The following RANBP17 variants were observed in gnomAD, a reference collection of about 807,000 sequenced individuals.
RANBP17 encodes the protein ran-binding protein 17.
In RANBP17, 158 loss-of-function variants were observed where a neutral mutation model predicts 141.2. The ratio of observed to expected loss-of-function variants is 1.12; its 90% CI spans 0.98 to 1.28. RANBP17 has a LOEUF of 1.28. Ranked by LOEUF, RANBP17 falls within the 50% of genes most tolerant of loss-of-function variation. RANBP17 has a pLI of 0.00. For missense variants in RANBP17, 1,438 were observed against 1,290.7 expected, an observed-to-expected ratio of 1.11 and a Z score of -1.75; for synonymous variants, 430 against 450.0, an observed-to-expected ratio of 0.96 and a Z score of 0.56.
chr5:171,265,931 G>C lies in RANBP17; in HGVS notation c.2943+84G>C. The C allele has an allele frequency of 2.4e-6, 3 of 1,261,538 alleles. No homozygotes were observed. The East Asian group carries it at 7.0e-5, about 29-fold the overall frequency. 78.1% of individuals were successfully genotyped at this position (1,261,538 alleles called of 1,614,324 possible). ...CCCCGAATTTATCTTAGAGCAGCTG[G>C]TCTTGCCAAGACTTTTTATACTGGT... On this transcript the variant is annotated intron_variant, in intron 25 of 27. Transcript: ENST00000523189.
At chr5:171,138,242 C>G (rs1757451629) in intron 14 of RANBP17, among the ~76,000 whole-genome samples, 1 of 152,116 alleles carries the variant, frequency 6.6e-6, no homozygotes. Context: ...AAGCTTATGA[C>G]TTTTCTTGAA....
At chr5:171,064,382 T>C (rs1227489278) in intron 14 of RANBP17, among the ~76,000 whole-genome samples, 4 of 152,260 alleles carry the variant, frequency 2.6e-5, no homozygotes, top group East Asian at 1.9e-4. Flanking sequence ...ACTTTTATTG[T>C]AATTTTAATT....
chr5:171,127,899 G>C (rs762764505), intron 14 of RANBP17, among the ~76,000 whole-genome samples: 2 of 152,182 alleles, frequency 1.3e-5, no homozygotes, highest in African/African-American at 2.4e-5. Flanking sequence ...GGTGGCTCAC[G>C]CCTGTAATCC....
Position 170,998,224 on chromosome 5 carries a change from A to G in RANBP17, c.1710+29847A>G, listed in dbSNP as rs1311482614. Among the ~76,000 whole-genome samples, 4 of 152,146 alleles carry G rather than the reference A, an allele frequency of 2.6e-5. No individual in the cohort carries two copies. In the East Asian group the frequency reaches 5.8e-4, roughly 22 times the overall value. On this transcript the variant is annotated intron_variant, in intron 14 of 27. Coordinates refer to ENST00000523189, the MANE Select transcript of RANBP17 (RefSeq NM_022897.5). ...TATGAGGTCTGTGAAATGCATGTAC[A>G]TTTCTCATTGGAATATTTTATTGTT...
At chr5:171,143,530 G>T (rs1757841545) in intron 14 of RANBP17, 1 of 152,092 alleles carries the variant, frequency 6.6e-6, no homozygotes, top group African/African-American at 2.4e-5. Flanking sequence ...ACCATTTCCT[G>T]ATTTTACAGA....
intron 14 of RANBP17, among the ~76,000 whole-genome samples, chr5:171,088,471 G>T (rs1785886389): frequency 6.6e-6 from 1 of 152,110 alleles, no homozygotes; most frequent in Non-Finnish European, 1.5e-5. Flanking sequence ...GAGTATCTTT[G>T]TGGCATTCTC....
intron 10 of RANBP17, among the ~76,000 whole-genome samples, chr5:170,919,177 C>T (rs1772226703): frequency 6.6e-6 from 1 of 151,720 alleles, no homozygotes; most frequent in Non-Finnish European, 1.5e-5. Context: ...ATGTTTTTCA[C>T]AGGATGTCAA....
chr5:171,174,276 A>C (rs1760291839), intron 16 of RANBP17, among the ~76,000 whole-genome samples: 1 of 152,170 alleles, frequency 6.6e-6, no homozygotes, highest in Non-Finnish European at 1.5e-5. Flanking sequence ...TTGAACAGGC[A>C]CAGAGCTGAA....
intron 14 of RANBP17, among the ~76,000 whole-genome samples, chr5:171,088,734 C>G (rs1204412605): frequency 6.6e-6 from 1 of 152,084 alleles, no homozygotes; most frequent in Non-Finnish European, 1.5e-5. Flanking sequence ...CACTGATACC[C>G]TTTCTTCCAG....
At chr5:171,026,258 C>A (rs1295637971) in intron 14 of RANBP17, among the ~76,000 whole-genome samples, 1 of 152,214 alleles carries the variant, frequency 6.6e-6, no homozygotes, top group Non-Finnish European at 1.5e-5. Context: ...TTAACCCTTA[C>A]AACACCCTTA....
intron 18 of RANBP17, among the ~76,000 whole-genome samples, chr5:171,199,408 G>C (rs996768312): frequency 7.9e-5 from 12 of 151,992 alleles, no homozygotes; most frequent in Non-Finnish European, 1.8e-4. Flanking sequence ...TGAGATGCCT[G>C]GGGCATGAGT....
chr5:171,056,772 A>G (rs1783406606), intron 14 of RANBP17, among the ~76,000 whole-genome samples: 1 of 151,568 alleles, frequency 6.6e-6, no homozygotes, highest in Non-Finnish European at 1.5e-5. Context: ...ATATTGTAAA[A>G]TCAAATCCCA....
intron 13 of RANBP17, among the ~76,000 whole-genome samples, chr5:170,965,655 A>T (rs1776501119): frequency 6.6e-6 from 1 of 152,142 alleles, no homozygotes. Flanking sequence ...TTAAATAGGG[A>T]ATCCTTTCCC....
intron 14 of RANBP17, among the ~76,000 whole-genome samples, chr5:170,973,574 A>C (rs564931187): frequency 2.0e-5 from 3 of 152,334 alleles, no homozygotes; most frequent in South Asian, 4.1e-4. Context: ...TCGGTTATAT[A>C]ATTTCTGTGA....
At chr5:170,900,309 T>C (rs538442392) in intron 5 of RANBP17, among the ~76,000 whole-genome samples, 1 of 152,322 alleles carries the variant, frequency 6.6e-6, no homozygotes, top group African/African-American at 2.4e-5. Flanking sequence ...TAGAGGTGTT[T>C]ATAGTATTCT....
In RANBP17 at chr5:171,274,120, G is replaced by GTGTA. The variant is rs1357784909; in HGVS notation, c.2943+8276_2943+8277insATGT. Among the ~76,000 whole-genome samples the GTGTA allele has an allele frequency of 6.7e-5, 8 of 120,022 alleles. No homozygotes were observed. The East Asian group carries it at 1.8e-3, about 27-fold the overall frequency. The allele number at this position is 120,022 out of a possible 152,430, so 78.7% of individuals were successfully genotyped here. A position where few individuals can be genotyped will look rare whatever the true frequency, so the allele number is the denominator to read the frequency against. On this transcript the variant is annotated intron_variant, in intron 25 of 27. Coordinates refer to ENST00000523189, the MANE Select transcript of RANBP17 (RefSeq NM_022897.5). ...AAGTTTAGTTTGATCAAGTGTGTGT[G>GTGTA]TGTGTGTGTGTGTGTGTGTGTGTGT...
intron 18 of RANBP17, among the ~76,000 whole-genome samples, chr5:171,189,411 A>G (rs1761480982): frequency 1.3e-5 from 2 of 152,184 alleles, no homozygotes; most frequent in South Asian, 2.1e-4. Context: ...CTTCTTCCCA[A>G]AATTATGTTG....
intron 14 of RANBP17, among the ~76,000 whole-genome samples, chr5:171,042,861 G>A (rs190982212): frequency 6.6e-5 from 10 of 152,186 alleles, no homozygotes; most frequent in Admixed American, 1.3e-4. Flanking sequence ...TACAGAGGGA[G>A]TATATATTAC....
At chr5:171,227,564 A>G (rs1249694797) in intron 22 of RANBP17, among the ~76,000 whole-genome samples, 2 of 152,268 alleles carry the variant, frequency 1.3e-5, no homozygotes, top group Non-Finnish European at 2.9e-5. Context: ...GAGAAGCTGC[A>G]GCGAGTTATC....
Sources: gnomAD v4.1 joint callset for allele counts (sites outside exome capture counted in the v4.1 genomes callset) on GRCh38, gnomAD v4.1.1 for gene constraint, MANE v1.5 for transcripts, NCBI Gene and HGNC (gene_info 2026-07-23, HGNC 2026-07-21) for gene names.